KCNMA1: variants seen among roughly 807,000 people sequenced by gnomAD.
KCNMA1 encodes the protein Calcium-activated potassium channel subunit alpha-1.
In KCNMA1, 29 loss-of-function variants were observed where a neutral mutation model predicts 140.0. The observed-to-expected ratio is 0.21, with a 90% confidence interval of 0.15 to 0.28. KCNMA1 has a LOEUF of 0.28. Ranked by LOEUF, KCNMA1 falls within the 10% of genes least tolerant of loss-of-function variation. The probability of loss-of-function intolerance (pLI) is 1.00; values close to 1 mark genes in which losing one functional copy is unlikely to be tolerated. For synonymous variants in KCNMA1, 612 were observed against 611.9 expected (o/e 1.00, Z 0.00); for missense variants, 880 against 1,602.2 (o/e 0.55, Z 7.70).
intron 2 of KCNMA1, among the ~76,000 whole-genome samples, chr10:77,337,631 A>G (rs1447254217): frequency 6.6e-6 from 1 of 152,228 alleles, no homozygotes; most frequent in East Asian, 1.9e-4. Context: ...AAAAAAGAAA[A>G]GAAACAGAAA....
At chr10:77,581,451 G>A (rs997290777) in intron 1 of KCNMA1, among the ~76,000 whole-genome samples, 5 of 152,144 alleles carry the variant, frequency 3.3e-5, no homozygotes, top group Admixed American at 6.5e-5. Flanking sequence ...GACTACAGGT[G>A]CCCGCCACCA....
chr10:77,563,779 C>G (rs1157677038), intron 1 of KCNMA1, among the ~76,000 whole-genome samples: 1 of 152,178 alleles, frequency 6.6e-6, no homozygotes, highest in East Asian at 1.9e-4. Flanking sequence ...AGGGGGGAGT[C>G]CACAAAATGG....
At chr10:76,999,615 G>C (rs1179038498) in intron 19 of KCNMA1, among the ~76,000 whole-genome samples, 1 of 152,156 alleles carries the variant, frequency 6.6e-6, no homozygotes, top group African/African-American at 2.4e-5. Flanking sequence ...GCTTATCTCT[G>C]TAATGGCATG....
chr10:77,385,239 T>C (rs2095560381), intron 2 of KCNMA1, among the ~76,000 whole-genome samples: 1 of 152,206 alleles, frequency 6.6e-6, no homozygotes, highest in Non-Finnish European at 1.5e-5. Context: ...TCTCTCTCTC[T>C]CTCTTCAAAT....
chr10:76,878,183 C>G (rs1053419483), intron 29 of KCNMA1, among the ~76,000 whole-genome samples: 2 of 152,082 alleles, frequency 1.3e-5, no homozygotes, highest in African/African-American at 4.8e-5. Context: ...GGCAATGTCC[C>G]TTGGAGTTAA....
At chr10:77,582,389 G>C (rs967423234) in intron 1 of KCNMA1, among the ~76,000 whole-genome samples, 1 of 152,330 alleles carries the variant, frequency 6.6e-6, no homozygotes, top group South Asian at 2.1e-4. Context: ...AATTGCTAGT[G>C]ATTAAAGTTG....
intron 5 of KCNMA1, among the ~76,000 whole-genome samples, chr10:77,139,209 G>A (rs1440087583): frequency 1.3e-5 from 2 of 152,148 alleles, no homozygotes; most frequent in Admixed American, 1.3e-4. Flanking sequence ...ATTATTCAAC[G>A]TTTTCTCAGG....
rs142161082 is a variant in KCNMA1, at chr10:77,444,958, A to G, written c.379-40935T>C. 3.9e-4 allele frequency among the ~76,000 whole-genome samples: 60 copies of G among 152,300 alleles called. 2 individuals are homozygous for G. The East Asian group carries it at 0.011, about 28-fold the overall frequency. On this transcript the variant is annotated intron_variant, in intron 1 of 27. Transcript: ENST00000286628. Reference sequence around the variant, plus strand: ...ATCTCCCCAGACAGAGGCAGGACATAAAGAACTAAACAGGCCCCCAGCAGG... The same window carrying G: ...ATCTCCCCAGACAGAGGCAGGACATGAAGAACTAAACAGGCCCCCAGCAGG...
chr10:77,620,145 GC>G (rs951889682), intron 1 of KCNMA1, among the ~76,000 whole-genome samples: 51 of 152,324 alleles, frequency 3.3e-4, no homozygotes, highest in African/African-American at 1.2e-3. Flanking sequence ...CCCAGGAGGG[GC>G]TGTCGACTGC....
chr10:77,575,934 A>G (rs1243185598), intron 1 of KCNMA1, among the ~76,000 whole-genome samples: 3 of 152,174 alleles, frequency 2.0e-5, no homozygotes. Flanking sequence ...CTCCCAGGTG[A>G]GGCTGATGCT....
intron 20 of KCNMA1, among the ~76,000 whole-genome samples, chr10:76,960,933 C>G (rs899172570): frequency 6.6e-6 from 1 of 151,744 alleles, no homozygotes; most frequent in Non-Finnish European, 1.5e-5. Flanking sequence ...GATAACGCAC[C>G]CAATTATTCA....
chr10:77,410,441 G>A (rs2096593771), intron 1 of KCNMA1, among the ~76,000 whole-genome samples: 1 of 152,236 alleles, frequency 6.6e-6, no homozygotes, highest in South Asian at 2.1e-4. Flanking sequence ...CCTGCCTAGA[G>A]CCAAGCCTTG....
chr10:77,001,871 C>A (rs745668649), intron 18 of KCNMA1, among the ~76,000 whole-genome samples: 5 of 152,124 alleles, frequency 3.3e-5, no homozygotes, highest in Admixed American at 6.5e-5. Flanking sequence ...TGAATACACT[C>A]GGGTTCTCAA....
chr10:77,315,007 TATG>T (rs765266508), intron 2 of KCNMA1, among the ~76,000 whole-genome samples: 28 of 151,978 alleles, frequency 1.8e-4, no homozygotes, highest in Middle Eastern at 3.4e-3. Flanking sequence ...TGGGATGTAC[TATG>T]ATGTTTTATT....
chr10:76,973,424 C>T lies in KCNMA1; in HGVS notation c.2267-3357G>A, dbSNP rs115172694. On this transcript the variant is annotated intron_variant, in intron 19 of 27. Transcript: ENST00000286628. ...CTAACAGTTTTACAGTTTGGGAAGA[C>T]TCAGTGCTAGAAAAATGTCAGGCAA... 6.4e-3 allele frequency among the ~76,000 whole-genome samples: 976 copies of T among 152,312 alleles called. 6 individuals carry two copies. Among genetic ancestry groups the T allele is most frequent in the African/African-American group, 0.021 (880 of 41,564 alleles).
At chr10:77,480,276 T>G (rs2098364424) in intron 1 of KCNMA1, among the ~76,000 whole-genome samples, 1 of 152,216 alleles carries the variant, frequency 6.6e-6, no homozygotes, top group Non-Finnish European at 1.5e-5. Flanking sequence ...GGGCTGGCCC[T>G]GCCCGCCTCC....
intron 25 of KCNMA1, among the ~76,000 whole-genome samples, chr10:76,906,407 G>A (rs1406219227): frequency 1.3e-5 from 2 of 152,194 alleles, no homozygotes; most frequent in Admixed American, 1.3e-4. Context: ...TTCTGCTGTT[G>A]ATTTGTGAGA....
intron 2 of KCNMA1, among the ~76,000 whole-genome samples, chr10:77,306,426 G>C (rs372250537): frequency 1.6e-4 from 25 of 152,324 alleles, no homozygotes; most frequent in African/African-American, 6.0e-4. Context: ...AAAGGGAGAA[G>C]AGGAGAGACA....
intron 6 of KCNMA1, among the ~76,000 whole-genome samples, chr10:77,120,300 G>C (rs992976230): frequency 6.6e-6 from 1 of 152,130 alleles, no homozygotes; most frequent in Non-Finnish European, 1.5e-5. Context: ...ATCAGGAAAG[G>C]GATCCTCTGG....
Sources: allele counts gnomAD v4.1 joint callset (sites outside exome capture counted in the v4.1 genomes callset), GRCh38; gene constraint gnomAD v4.1.1; transcripts MANE v1.5; gene names NCBI Gene and HGNC (gene_info 2026-07-23, HGNC 2026-07-21).